Variants in ASIC2 observed in about 807,000 individuals in gnomAD.
ASIC2 encodes the protein acid sensing ion channel subunit 2.
A neutral mutation model predicts 57.3 loss-of-function variants in ASIC2; 25 were observed. That is an observed-to-expected ratio of 0.44 (90% CI 0.32 to 0.61). The LOEUF is 0.61. ASIC2 is among the 20% of genes least tolerant of loss of function. The pLI is 0.06. For synonymous variants in ASIC2, 319 were observed against 307.5 expected, an observed-to-expected ratio of 1.04 and a Z score of -0.39; for missense variants, 641 against 738.1, an observed-to-expected ratio of 0.87 and a Z score of 1.52.
intron 7 of ASIC2, among the ~76,000 whole-genome samples, chr17:33,019,186 C>T (rs779757720): frequency 1.3e-5 from 2 of 151,908 alleles, no homozygotes; most frequent in Non-Finnish European, 2.9e-5. Flanking sequence ...GGGGTATATG[C>T]CAGGGTCTGG....
intron 1 of ASIC2, among the ~76,000 whole-genome samples, chr17:33,408,343 T>C (rs1910539342): frequency 6.6e-6 from 1 of 152,180 alleles, no homozygotes; most frequent in Admixed American, 6.5e-5. Context: ...GTTCTGTCTC[T>C]TCCATGCTGG....
At chr17:33,090,404 G>T (rs369880056) in intron 2 of ASIC2, among the ~76,000 whole-genome samples, 12 of 152,188 alleles carry the variant, frequency 7.9e-5, no homozygotes, top group Non-Finnish European at 1.8e-4. Context: ...TCCTGCACAT[G>T]GCTAGGCATA....
rs549860366 is a variant in ASIC2, at chr17:33,614,269, T to A, written c.556-502202A>T. ...ATGAAATAAATGAAACAGAAAACAA[T>A]GCAGTGTTCAGAGGGCGTCATCACC... On this transcript the variant is annotated intron_variant, in intron 1 of 9. Coordinates refer to the ASIC2 transcript ENST00000359872. 3.3e-5 allele frequency among the ~76,000 whole-genome samples: 5 copies of A among 152,282 alleles called. No homozygotes were observed. The East Asian group carries it at 9.6e-4, about 29-fold the overall frequency.
At chr17:33,995,196 C>T (rs1181884134) in intron 1 of ASIC2, among the ~76,000 whole-genome samples, 1 of 152,176 alleles carries the variant, frequency 6.6e-6, no homozygotes, top group South Asian at 2.1e-4. Flanking sequence ...GAGATTTTAT[C>T]TCTCTGATAA....
At chr17:33,393,730 C>T (rs1909980648) in intron 1 of ASIC2, among the ~76,000 whole-genome samples, 1 of 152,126 alleles carries the variant, frequency 6.6e-6, no homozygotes, top group Admixed American at 6.5e-5. Flanking sequence ...CAGATGGAAC[C>T]AGGCACACCT....
intron 1 of ASIC2, among the ~76,000 whole-genome samples, chr17:33,248,991 G>A (rs537205953): frequency 6.6e-6 from 1 of 152,300 alleles, no homozygotes; most frequent in South Asian, 2.1e-4. Context: ...GTCCTGCTAG[G>A]GGGCTTCTGG....
chr17:33,362,080 A>T (rs1456392276), intron 1 of ASIC2, among the ~76,000 whole-genome samples: 1 of 152,198 alleles, frequency 6.6e-6, no homozygotes. Flanking sequence ...TGGACACTCA[A>T]CTTTTCTTCC....
chr17:33,370,126 C>T lies in ASIC2; in HGVS notation c.556-258059G>A, dbSNP rs574489027. ...GACCAGGCAGCATTCCCCAGGACAG[C>T]CACCTTAGGGACAGGCTGATGGGAG... On this transcript the variant is annotated intron_variant, in intron 1 of 9. Coordinates refer to the ASIC2 transcript ENST00000359872. Among the ~76,000 whole-genome samples the T allele has an allele frequency of 2.0e-5, 3 of 152,302 alleles. No homozygotes were observed. The East Asian group carries it at 5.8e-4, about 29-fold the overall frequency.
chr17:33,017,227 C>T (rs2091811253), intron 8 of ASIC2, among the ~76,000 whole-genome samples: 1 of 152,126 alleles, frequency 6.6e-6, no homozygotes, highest in Non-Finnish European at 1.5e-5. Flanking sequence ...AGTGTGTGTG[C>T]AGGTGTGGAC....
intron 1 of ASIC2, among the ~76,000 whole-genome samples, chr17:33,510,828 C>T (rs796509396): frequency 2.6e-5 from 4 of 152,162 alleles, no homozygotes; most frequent in African/African-American, 9.6e-5. Context: ...AGTGCAACCC[C>T]TGCACGAGGC....
At chr17:33,960,719 G>A (rs973880164) in intron 1 of ASIC2, among the ~76,000 whole-genome samples, 5 of 152,114 alleles carry the variant, frequency 3.3e-5, no homozygotes, top group African/African-American at 1.2e-4. Context: ...TCTTCCTTGA[G>A]CATGCTTCAC....
intron 1 of ASIC2, among the ~76,000 whole-genome samples, chr17:33,206,791 G>T (rs1007064149): frequency 7.2e-5 from 11 of 152,168 alleles, no homozygotes; most frequent in African/African-American, 2.7e-4. Flanking sequence ...GATCCTGGAT[G>T]AGTTACTGGA....
intron 1 of ASIC2, among the ~76,000 whole-genome samples, chr17:33,187,905 GAAAAAAAA>G (rs60454518): frequency 1.1e-5 from 1 of 90,760 alleles, no homozygotes; most frequent in Admixed American, 1.1e-4. Context: ...GGTCAGGGAT[GAAAAAAAA>G]AAAAAGAAAA....
chr17:33,405,388 C>T (rs1910431810), intron 1 of ASIC2, among the ~76,000 whole-genome samples: 1 of 152,060 alleles, frequency 6.6e-6, no homozygotes, highest in African/African-American at 2.4e-5. Context: ...GATGCTCTGG[C>T]ATTTGTGACC....
intron 1 of ASIC2, among the ~76,000 whole-genome samples, chr17:34,010,253 G>C (rs928148922): frequency 1.3e-5 from 2 of 152,116 alleles, no homozygotes; most frequent in African/African-American, 4.8e-5. Flanking sequence ...ACCTATCTGG[G>C]GCTGGACCTT....
rs187229382 is a variant in ASIC2 at position 33,321,681 on chromosome 17, T to G, written c.556-209614A>C. ...GATTAAAAACAGCTTTTTTTAGTCATCAGAGGAAACAGGTTGTGATTACCC... is the reference window on the plus strand; with the variant it reads ...GATTAAAAACAGCTTTTTTTAGTCAGCAGAGGAAACAGGTTGTGATTACCC... On this transcript the variant is annotated intron_variant, in intron 1 of 9. Coordinates refer to the ASIC2 transcript ENST00000359872. 4.3e-4 allele frequency among the ~76,000 whole-genome samples: 66 copies of G among 152,328 alleles called. 1 individual carries two copies. The East Asian group carries it at 0.013, about 29-fold the overall frequency.
chr17:33,924,225 C>T (rs953685992), intron 1 of ASIC2, among the ~76,000 whole-genome samples: 2 of 152,224 alleles, frequency 1.3e-5, no homozygotes, highest in South Asian at 4.1e-4. Flanking sequence ...TCCTGCACTG[C>T]GCTGTGAGGA....
At chr17:33,075,355 T>C (rs568248052) in intron 3 of ASIC2, among the ~76,000 whole-genome samples, 10 of 152,202 alleles carry the variant, frequency 6.6e-5, no homozygotes, top group African/African-American at 2.2e-4. Context: ...AAGTACCCAC[T>C]CTCGGGTATG....
intron 1 of ASIC2, among the ~76,000 whole-genome samples, chr17:33,189,226 C>A (rs1163456859): frequency 1.3e-5 from 2 of 152,026 alleles, no homozygotes; most frequent in African/African-American, 2.4e-5. Flanking sequence ...GAACCCCCCA[C>A]CCCCTAACAA....
Sources: gnomAD v4.1 joint callset for allele counts (sites outside exome capture counted in the v4.1 genomes callset) on GRCh38, gnomAD v4.1.1 for gene constraint, MANE v1.5 for transcripts, NCBI Gene and HGNC (gene_info 2026-07-23, HGNC 2026-07-21) for gene names.